Variants in LRRTM4 observed in about 807,000 individuals in gnomAD.
LRRTM4 encodes the protein leucine-rich repeat transmembrane neuronal protein 4.
LRRTM4 carries 25 observed loss-of-function variants against 47.6 expected under a neutral mutation model. The ratio of observed to expected loss-of-function variants is 0.53; its 90% CI spans 0.38 to 0.73. The LOEUF (loss-of-function observed/expected upper bound fraction) is 0.73. LRRTM4 is among the 30% of genes least tolerant of loss of function. The probability of loss-of-function intolerance (pLI) is 0.00; values close to 1 mark genes in which losing one functional copy is unlikely to be tolerated. For missense variants in LRRTM4, 638 were observed against 713.4 expected, an observed-to-expected ratio of 0.89 and a Z score of 1.20; for synonymous variants, 311 against 269.5, an observed-to-expected ratio of 1.15 and a Z score of -1.51.
intron 3 of LRRTM4, among the ~76,000 whole-genome samples, chr2:77,112,227 A>G (rs1014098860): frequency 2.0e-5 from 3 of 152,188 alleles, no homozygotes; most frequent in Non-Finnish European, 2.9e-5. Context: ...ACTTTTAGTA[A>G]ATGTTAACTT....
chr2:76,909,031 G>C (rs1004826541), intron 3 of LRRTM4, among the ~76,000 whole-genome samples: 1 of 152,002 alleles, frequency 6.6e-6, no homozygotes, highest in African/African-American at 2.4e-5. Context: ...AGCCCTCATC[G>C]CCAAGTCAAT....
At chr2:76,935,258 C>T (rs191720967) in intron 3 of LRRTM4, among the ~76,000 whole-genome samples, 3 of 152,108 alleles carry the variant, frequency 2.0e-5, no homozygotes, top group Admixed American at 1.3e-4. Flanking sequence ...ACTCTAGCCT[C>T]GTAGTATAGT....
At chr2:77,494,073 T>C (rs1678268375) in intron 3 of LRRTM4, among the ~76,000 whole-genome samples, 1 of 152,176 alleles carries the variant, frequency 6.6e-6, no homozygotes, top group African/African-American at 2.4e-5. Flanking sequence ...TGATATTGCA[T>C]AGTTATGTGA....
chr2:77,008,487 T>A (rs960301776), intron 3 of LRRTM4, among the ~76,000 whole-genome samples: 6 of 152,204 alleles, frequency 3.9e-5, no homozygotes, highest in African/African-American at 1.4e-4. Context: ...ACCACTGATA[T>A]GATATTGATC....
At chr2:76,846,116 TG>T (rs897710787) in intron 3 of LRRTM4, among the ~76,000 whole-genome samples, 5 of 151,986 alleles carry the variant, frequency 3.3e-5, no homozygotes, top group African/African-American at 1.2e-4. Context: ...GGAGTGTATG[TG>T]GGGGATACTG....
At chr2:77,461,877 T>C (rs1471269400) in intron 3 of LRRTM4, among the ~76,000 whole-genome samples, 1 of 152,158 alleles carries the variant, frequency 6.6e-6, no homozygotes, top group Non-Finnish European at 1.5e-5. Context: ...CTCCTATTTT[T>C]GGCTTTGTCT....
chr2:77,211,840 T>G (rs1573083094), intron 3 of LRRTM4, among the ~76,000 whole-genome samples: 1 of 152,210 alleles, frequency 6.6e-6, no homozygotes, highest in East Asian at 1.9e-4. Flanking sequence ...AATATAAAAT[T>G]TAATTATTAC....
chr2:77,279,369 A>G (rs1676447715), intron 3 of LRRTM4, among the ~76,000 whole-genome samples: 1 of 151,902 alleles, frequency 6.6e-6, no homozygotes. Context: ...TTTTTGGTCA[A>G]GCTAAACATT....
At chr2:77,276,160 A>C (rs1002261412) in intron 3 of LRRTM4, among the ~76,000 whole-genome samples, 1 of 152,078 alleles carries the variant, frequency 6.6e-6, no homozygotes, top group African/African-American at 2.4e-5. Flanking sequence ...ATATTCTGCT[A>C]TACTTTTATC....
chr2:76,940,551 A>G (rs1675102350), intron 3 of LRRTM4, among the ~76,000 whole-genome samples: 1 of 152,246 alleles, frequency 6.6e-6, no homozygotes, highest in Admixed American at 6.5e-5. Flanking sequence ...GGCTTAACAC[A>G]TGGGTGACAA....
intron 3 of LRRTM4, among the ~76,000 whole-genome samples, chr2:77,488,801 C>T (rs1678026286): frequency 6.6e-6 from 1 of 151,926 alleles, no homozygotes; most frequent in South Asian, 2.1e-4. Context: ...TACAAAGAGT[C>T]TCACATGAAG....
At chr2:76,905,256 C>G (rs983598279) in intron 3 of LRRTM4, among the ~76,000 whole-genome samples, 15 of 152,142 alleles carry the variant, frequency 9.9e-5, no homozygotes, top group Non-Finnish European at 1.9e-4. Flanking sequence ...GAGTGGACCT[C>G]TAGCAAATTC....
At chr2:77,457,017 T>C (rs1269901108) in intron 3 of LRRTM4, among the ~76,000 whole-genome samples, 1 of 22,204 alleles carries the variant, frequency 4.5e-5, no homozygotes, top group African/African-American at 2.4e-4. Flanking sequence ...TATATATATA[T>C]ATATATATAT....
chr2:76,844,134 C>G (rs904345231), intron 3 of LRRTM4, among the ~76,000 whole-genome samples: 2 of 151,682 alleles, frequency 1.3e-5, no homozygotes, highest in Admixed American at 1.3e-4. Context: ...ATCTCCTGAC[C>G]TTGTGATCCA....
intron 3 of LRRTM4, among the ~76,000 whole-genome samples, chr2:76,870,471 A>C (rs1451418956): frequency 6.6e-6 from 1 of 152,118 alleles, no homozygotes; most frequent in South Asian, 2.1e-4. Flanking sequence ...AGGAAAAAAA[A>C]CCACATTTTT....
chr2:76,771,949 A>G (rs970375458), intron 3 of LRRTM4, among the ~76,000 whole-genome samples: 12 of 152,194 alleles, frequency 7.9e-5, no homozygotes, highest in Non-Finnish European at 1.6e-4. Context: ...GAGGGATAAT[A>G]AACCAAAATA....
chr2:76,866,639 G>A (rs946077863), intron 3 of LRRTM4, among the ~76,000 whole-genome samples: 13 of 151,984 alleles, frequency 8.6e-5, no homozygotes, highest in African/African-American at 2.7e-4. Flanking sequence ...CTGTCTCCTT[G>A]CATTATACAA....
chr2:77,057,609 G>C lies in LRRTM4; in HGVS notation c.1552-308693C>G, dbSNP rs114218662. On this transcript the variant is annotated intron_variant, in intron 3 of 3. Coordinates refer to ENST00000409884, the MANE Select transcript of LRRTM4 (RefSeq NM_001134745.3). ...ATTAAGAACCAACCCAGCTAGTCCA[G>C]TGATTTAAAATCCCAGCTGCACATT... 1.9e-3 allele frequency among the ~76,000 whole-genome samples: 291 copies of C among 152,266 alleles called. 3 individuals are homozygous for C. Among genetic ancestry groups the C allele is most frequent in the African/African-American group, 6.7e-3 (277 of 41,552 alleles).
At chr2:77,127,785 G>A (rs1671685297) in intron 3 of LRRTM4, among the ~76,000 whole-genome samples, 1 of 152,198 alleles carries the variant, frequency 6.6e-6, no homozygotes, top group South Asian at 2.1e-4. Context: ...TATCCCTGAT[G>A]GAAAGTTAGA....
Sources: gnomAD v4.1 joint callset for allele counts (sites outside exome capture counted in the v4.1 genomes callset) on GRCh38, gnomAD v4.1.1 for gene constraint, MANE v1.5 for transcripts, NCBI Gene and HGNC (gene_info 2026-07-23, HGNC 2026-07-21) for gene names.